GSE1: variants seen among roughly 807,000 people sequenced by gnomAD.
GSE1 encodes the protein Gse1 coiled-coil protein.
In GSE1, 32 loss-of-function variants were observed where a neutral mutation model predicts 112.6. The ratio of observed to expected loss-of-function variants is 0.28; its 90% CI spans 0.21 to 0.38. The LOEUF (loss-of-function observed/expected upper bound fraction) is 0.38. Among genes scored for constraint, GSE1 ranks in the 10% least tolerant of loss-of-function variants. GSE1 has a pLI of 1.00. For missense variants in GSE1, 2,348 were observed against 1,699.2 expected (o/e 1.38, Z -6.71); for synonymous variants, 1,115 against 735.6 (o/e 1.52, Z -8.35).
chr16:85,311,610 G>A lies in GSE1; in HGVS notation c.2284-45853G>A, dbSNP rs2045850165. On this transcript the variant is annotated intron_variant, in intron 1 of 2. Coordinates refer to the GSE1 transcript ENST00000637419. This position sits in a 1 kb window ranked among gnomAD's most constrained non-coding sequence, Gnocchi z 4.2. ...GGGGTACTCCATGGGCTTCTGCTTC[G>A]GTGCCCCTGGGGGTCCTTCTCCAGG... Among the ~76,000 whole-genome samples, 3 of 148,742 alleles carry A rather than the reference G, an allele frequency of 2.0e-5. No homozygotes were observed. The highest frequency in any genetic ancestry group is 4.5e-5 in the Non-Finnish European group (3 of 67,276).
chr16:85,471,264 T>C lies in GSE1; in HGVS notation c.2464+113621T>C, dbSNP rs148946283. On this transcript the variant is annotated intron_variant, in intron 2 of 2. Coordinates refer to the GSE1 transcript ENST00000637419. ...CTCCAGGGGTGGCTGAGTGTAGGGA[T>C]CTGCCAGTCCCAATGCCACCTTATT... Among the ~76,000 whole-genome samples the C allele has an allele frequency of 5.1e-3, 774 of 152,292 alleles. 6 individuals carry two copies. Among genetic ancestry groups the C allele is most frequent in the African/African-American group, 0.018 (742 of 41,554 alleles).
intron 2 of GSE1, among the ~76,000 whole-genome samples, chr16:85,478,911 C>G (rs1404216561): frequency 1.4e-4 from 8 of 58,612 alleles, no homozygotes; most frequent in Non-Finnish European, 1.9e-4. Context: ...TTCTTTCTTT[C>G]TTTCTTTCTT....
At chr16:85,321,071 T>G (rs1213940120) in intron 1 of GSE1, among the ~76,000 whole-genome samples, 13 of 152,246 alleles carry the variant, frequency 8.5e-5, no homozygotes, top group Non-Finnish European at 1.9e-4. Context: ...TGTGTACCCC[T>G]GGCCCTCTAT....
chr16:85,630,027 G>A (rs985737292), intron 1 of GSE1, among the ~76,000 whole-genome samples: 11 of 152,188 alleles, frequency 7.2e-5, no homozygotes, highest in Admixed American at 3.9e-4. Flanking sequence ...CTGGGGCTGC[G>A]GTCTCATCAG....
intron 1 of GSE1, among the ~76,000 whole-genome samples, chr16:85,262,801 C>T (rs1027369561): frequency 7.9e-5 from 12 of 152,186 alleles, no homozygotes; most frequent in African/African-American, 2.4e-4. Context: ...AAGCTTGCCG[C>T]GGGCACCAGT....
intron 2 of GSE1, among the ~76,000 whole-genome samples, chr16:85,464,118 G>A (rs780144951): frequency 3.9e-5 from 6 of 151,980 alleles, no homozygotes; most frequent in Admixed American, 1.3e-4. Context: ...TGGCTGCCTC[G>A]CCTGCCCGCC....
In GSE1 at chr16:85,280,622, CT is replaced by C. The variant is rs1359350403; in HGVS notation, c.2284-76840del. ...TGTTGGCCAGGCCGCTCTCGAACTTCTGACCTCAAGTGATCCGCCCACCTCA... is the reference window on the plus strand; with the variant it reads ...TGTTGGCCAGGCCGCTCTCGAACTTCGACCTCAAGTGATCCGCCCACCTCA... On this transcript the variant is annotated intron_variant, in intron 1 of 2. Coordinates refer to the GSE1 transcript ENST00000637419. 2.0e-5 allele frequency among the ~76,000 whole-genome samples: 3 copies of C among 152,334 alleles called. No homozygotes were observed. The East Asian group carries it at 5.8e-4, about 29-fold the overall frequency.
chr16:85,654,198 G>A, intron 3 of GSE1, 80 bp from the exon 4 acceptor site: 1 of 1,314,806 alleles, frequency 7.6e-7, no homozygotes, highest in Non-Finnish European at 1.1e-6. Flanking sequence ...GCCTTCCCGT[G>A]AGTCAGGAGA....
intron 1 of GSE1, among the ~76,000 whole-genome samples, chr16:85,224,550 A>G (rs1157815865): frequency 6.6e-6 from 1 of 151,994 alleles, no homozygotes; most frequent in Non-Finnish European, 1.5e-5. Flanking sequence ...TCATTCATTC[A>G]TTCCACAGAG....
intron 2 of GSE1, among the ~76,000 whole-genome samples, chr16:85,521,752 C>T (rs905526948): frequency 3.3e-5 from 5 of 152,228 alleles, no homozygotes; most frequent in African/African-American, 1.2e-4. Flanking sequence ...CCTGGTTGTG[C>T]ACTGGAGCCG....
upstream of GSE1, among the ~76,000 whole-genome samples, chr16:85,551,837 G>A (rs1055272101): frequency 6.6e-5 from 10 of 152,184 alleles, no homozygotes; most frequent in Admixed American, 1.3e-4. Flanking sequence ...TTCGATGCAG[G>A]CATTCAAATA....
rs569008760 is a variant in GSE1 at position 85,376,494 on chromosome 16, C to T, written c.2464+18851C>T. ...ATGGCAGATTTGGGCACAGAAAGAG[C>T]CTGTGGCCGGGTGGTGTGGGCAGAG... On this transcript the variant is annotated intron_variant, in intron 2 of 2. Transcript: ENST00000637419. 3.3e-5 allele frequency among the ~76,000 whole-genome samples: 5 copies of T among 152,302 alleles called. No homozygotes were observed. The South Asian group carries it at 6.2e-4, about 19-fold the overall frequency.
At chr16:85,660,851 C>T (rs1465201635) in intron 8 of GSE1, among the ~76,000 whole-genome samples, 1 of 152,058 alleles carries the variant, frequency 6.6e-6, no homozygotes, top group East Asian at 2.0e-4. Context: ...AGGCTGGTCT[C>T]AAACTGCTGA....
At chr16:85,440,973 A>T (rs1172037750) in intron 2 of GSE1, among the ~76,000 whole-genome samples, 2 of 152,130 alleles carry the variant, frequency 1.3e-5, no homozygotes, top group Admixed American at 1.3e-4. Context: ...CCTGAAATGC[A>T]CACGTCCAGC....
At chr16:85,386,053 G>T (rs2151632809) in intron 2 of GSE1, among the ~76,000 whole-genome samples, 1 of 152,364 alleles carries the variant, frequency 6.6e-6, no homozygotes, top group African/African-American at 2.4e-5. Flanking sequence ...GTGGCCATGG[G>T]ATAGCGGCGC....
chr16:85,224,728 G>C (rs566572434), intron 1 of GSE1, among the ~76,000 whole-genome samples: 1 of 152,050 alleles, frequency 6.6e-6, no homozygotes, highest in African/African-American at 2.4e-5. Flanking sequence ...AGTGGCTCAC[G>C]CCTGTAATCC....
chr16:85,668,049 C>A (rs761745598), intron 13 of GSE1, 91 bp from the exon 14 acceptor site: 8 of 992,990 alleles, frequency 8.1e-6, no homozygotes, highest in Non-Finnish European at 1.2e-5. Context: ...CATGTTGACT[C>A]TGCACCAAGG....
intron 1 of GSE1, chr16:85,556,507 C>T: frequency 5.6e-6 from 1 of 178,808 alleles, no homozygotes; most frequent in Non-Finnish European, 1.1e-5. Context: ...CGCGCGGCCT[C>T]GGATCCTCCC....
chr16:85,670,906 C>G, intron 14 of GSE1, 89 bp from the exon 15 acceptor site: 4 of 809,346 alleles, frequency 4.9e-6, no homozygotes, highest in Non-Finnish European at 8.6e-6. Flanking sequence ...GTTTTGGGCT[C>G]TGCTGGGCAG....
Sources: allele counts gnomAD v4.1 joint callset (sites outside exome capture counted in the v4.1 genomes callset), GRCh38; gene constraint gnomAD v4.1.1; non-coding constraint Gnocchi (gnomAD v3.1); transcripts MANE v1.5; gene names NCBI Gene and HGNC (gene_info 2026-07-23, HGNC 2026-07-21).